Variants in NRG3 observed in about 807,000 individuals in gnomAD.
NRG3 encodes the protein pro-neuregulin-3, membrane-bound isoform.
NRG3 carries 31 observed loss-of-function variants against 66.9 expected under a neutral mutation model. The ratio of observed to expected loss-of-function variants is 0.46; its 90% confidence interval spans 0.35 to 0.63. NRG3 has a LOEUF of 0.63. Among genes scored for constraint, NRG3 ranks in the 20% least tolerant of loss-of-function variants. The pLI, the probability that NRG3 is intolerant of heterozygous loss-of-function variation, is 0.00. For synonymous variants in NRG3, 393 were observed against 359.4 expected (o/e 1.09, Z -1.06); for missense variants, 910 against 878.9 (o/e 1.04, Z -0.45).
At chr10:82,932,647 T>C (rs1847684258) in intron 4 of NRG3, among the ~76,000 whole-genome samples, 1 of 152,174 alleles carries the variant, frequency 6.6e-6, no homozygotes. Flanking sequence ...ACTGCTTCTC[T>C]CCTGCAAGCT....
chr10:82,433,365 G>C (rs1422147025), intron 2 of NRG3, among the ~76,000 whole-genome samples: 1 of 151,968 alleles, frequency 6.6e-6, no homozygotes, highest in East Asian at 1.9e-4. Flanking sequence ...CTGGATATTA[G>C]ACCTTTCTCA....
chr10:82,417,134 A>G (rs1449262722), intron 2 of NRG3, among the ~76,000 whole-genome samples: 2 of 152,162 alleles, frequency 1.3e-5, no homozygotes, highest in Non-Finnish European at 2.9e-5. Flanking sequence ...ACTTACAAAT[A>G]TTTTATACAC....
At chr10:82,439,708 A>G (rs1335091531) in intron 2 of NRG3, among the ~76,000 whole-genome samples, 3 of 152,000 alleles carry the variant, frequency 2.0e-5, no homozygotes, top group East Asian at 3.8e-4. Context: ...AAATTAATTA[A>G]TTAATTAGTT....
intron 2 of NRG3, among the ~76,000 whole-genome samples, chr10:82,437,740 T>C (rs2090218717): frequency 6.6e-6 from 1 of 152,126 alleles, no homozygotes; most frequent in South Asian, 2.1e-4. Flanking sequence ...TTTGTTGTTG[T>C]TGTTGATGAT....
chr10:82,302,865 T>G (rs958811154), intron 1 of NRG3, among the ~76,000 whole-genome samples: 1 of 152,166 alleles, frequency 6.6e-6, no homozygotes, highest in African/African-American at 2.4e-5. Flanking sequence ...ATTATTTCAA[T>G]AATGGGTCCT....
chr10:82,764,702 T>A (rs901170665), intron 3 of NRG3, among the ~76,000 whole-genome samples: 6 of 152,140 alleles, frequency 3.9e-5, no homozygotes, highest in Admixed American at 2.0e-4. Flanking sequence ...TTAAAAAAGA[T>A]AATATGATAG....
intron 3 of NRG3, among the ~76,000 whole-genome samples, chr10:82,761,201 T>G (rs192391143): frequency 1.3e-5 from 2 of 152,000 alleles, no homozygotes; most frequent in African/African-American, 4.8e-5. Context: ...AAACCAAAGT[T>G]AAAGCAAACT....
intron 2 of NRG3, among the ~76,000 whole-genome samples, chr10:82,397,418 A>G (rs2086784557): frequency 6.6e-6 from 1 of 152,236 alleles, no homozygotes; most frequent in African/African-American, 2.4e-5. Flanking sequence ...GAAAGGAAAC[A>G]TTTGCATTTC....
At chr10:82,381,767 A>C (rs2085633263) in intron 2 of NRG3, among the ~76,000 whole-genome samples, 2 of 152,126 alleles carry the variant, frequency 1.3e-5, no homozygotes, top group Non-Finnish European at 2.9e-5. Flanking sequence ...CTTGGAAAAC[A>C]AGCATAAGCT....
At chr10:82,022,569 T>C (rs1345025160) in intron 1 of NRG3, among the ~76,000 whole-genome samples, 2 of 152,128 alleles carry the variant, frequency 1.3e-5, no homozygotes. Flanking sequence ...ATTATTGGTG[T>C]ACTTCTCTAC....
chr10:81,921,225 G>C (rs1392667506), intron 1 of NRG3, among the ~76,000 whole-genome samples: 1 of 151,820 alleles, frequency 6.6e-6, no homozygotes, highest in Non-Finnish European at 1.5e-5. Flanking sequence ...CCATCATATT[G>C]TCATGCTAAT....
intron 6 of NRG3, among the ~76,000 whole-genome samples, chr10:82,965,684 C>T (rs1427912679): frequency 6.6e-6 from 1 of 151,910 alleles, no homozygotes; most frequent in South Asian, 2.1e-4. Flanking sequence ...TGCAGTGAGC[C>T]GAGATCAAGA....
chr10:82,115,083 A>G (rs1280524348), intron 1 of NRG3, among the ~76,000 whole-genome samples: 2 of 152,094 alleles, frequency 1.3e-5, no homozygotes. Context: ...GATCTTCTGA[A>G]CACATCACTT....
intron 1 of NRG3, among the ~76,000 whole-genome samples, chr10:82,111,620 T>C (rs779727782): frequency 6.6e-6 from 1 of 152,164 alleles, no homozygotes; most frequent in East Asian, 1.9e-4. Flanking sequence ...TCTTTTTTGC[T>C]TTCATCCAGC....
chr10:82,880,442 A>ATG (rs1842208984), intron 4 of NRG3, among the ~76,000 whole-genome samples: 1 of 152,214 alleles, frequency 6.6e-6, no homozygotes, highest in African/African-American at 2.4e-5. Context: ...TCCACTATAT[A>ATG]TGTGAAGAAA....
chr10:82,091,376 G>A (rs2066018343), intron 1 of NRG3, among the ~76,000 whole-genome samples: 1 of 152,056 alleles, frequency 6.6e-6, no homozygotes, highest in Admixed American at 6.6e-5. Context: ...CTGTCTCTAT[G>A]AATTTGCCTG....
chr10:82,473,692 G>A (rs1841489871), intron 2 of NRG3, among the ~76,000 whole-genome samples: 1 of 152,064 alleles, frequency 6.6e-6, no homozygotes, highest in Non-Finnish European at 1.5e-5. Flanking sequence ...CCAGTCCTCA[G>A]CTCCCTTCGG....
intron 1 of NRG3, chr10:81,878,074 G>A (rs1420953992): frequency 1.3e-6 from 2 of 1,534,670 alleles, no homozygotes; most frequent in Non-Finnish European, 1.7e-6. Flanking sequence ...CCATTCCGGA[G>A]GTCTTTAAAG....
chr10:82,815,534 T>A (rs952080666), intron 3 of NRG3, among the ~76,000 whole-genome samples: 5 of 152,150 alleles, frequency 3.3e-5, no homozygotes, highest in Admixed American at 6.5e-5. Flanking sequence ...CTTTCCCCCA[T>A]GTGGCTAGAA....
Sources: allele counts gnomAD v4.1 joint callset (sites outside exome capture counted in the v4.1 genomes callset), GRCh38; gene constraint gnomAD v4.1.1; transcripts MANE v1.5; gene names NCBI Gene and HGNC (gene_info 2026-07-23, HGNC 2026-07-21).